The following BICC1 variants were observed in gnomAD, a reference collection of about 807,000 sequenced individuals.
BICC1 encodes protein bicaudal C homolog 1.
In BICC1, 43 loss-of-function variants were observed where a neutral mutation model predicts 111.0. The observed-to-expected ratio is 0.39, with a 90% confidence interval of 0.30 to 0.50. The LOEUF (loss-of-function observed/expected upper bound fraction) is 0.50, where lower values mean the gene tolerates loss of function less well. Among genes scored for constraint, BICC1 ranks in the 20% least tolerant of loss-of-function variants. The pLI, the probability that BICC1 is intolerant of heterozygous loss-of-function variation, is 0.88. For synonymous variants in BICC1, 467 were observed against 434.4 expected (o/e 1.07, Z -0.93); for missense variants, 1,091 against 1,203.2 (o/e 0.91, Z 1.38).
intron 1 of BICC1, among the ~76,000 whole-genome samples, chr10:58,543,201 C>G (rs149791402): frequency 6.6e-6 from 1 of 152,124 alleles, no homozygotes; most frequent in African/African-American, 2.4e-5. Flanking sequence ...AAAGGAAATC[C>G]TGTCATATGC....
At chr10:58,579,274 T>C (rs1844198405) in intron 1 of BICC1, among the ~76,000 whole-genome samples, 1 of 152,184 alleles carries the variant, frequency 6.6e-6, no homozygotes, top group Non-Finnish European at 1.5e-5. Flanking sequence ...AGGGCAATAG[T>C]CCGCTCCTTG....
intron 1 of BICC1, among the ~76,000 whole-genome samples, chr10:58,612,373 T>C (rs1349635423): frequency 3.3e-5 from 5 of 152,226 alleles, no homozygotes; most frequent in Non-Finnish European, 1.5e-5. Flanking sequence ...GGCTGGGTTG[T>C]CAGGGAAACA....
At chr10:58,554,191 G>T (rs547907910) in intron 1 of BICC1, among the ~76,000 whole-genome samples, 14 of 152,188 alleles carry the variant, frequency 9.2e-5, no homozygotes, top group African/African-American at 2.9e-4. Flanking sequence ...AATTCTTAAG[G>T]AGTTAGGAAG....
intron 3 of BICC1, among the ~76,000 whole-genome samples, chr10:58,736,109 C>T (rs571160720): frequency 1.3e-5 from 2 of 152,266 alleles, no homozygotes; most frequent in South Asian, 2.1e-4. Flanking sequence ...AGACCTGACA[C>T]CTGTGGAAGG....
chr10:58,686,298 T>C (rs984849602), intron 2 of BICC1, among the ~76,000 whole-genome samples: 6 of 152,186 alleles, frequency 3.9e-5, no homozygotes, highest in Non-Finnish European at 2.9e-5. Context: ...GCCCTTAACA[T>C]TTTTTCCTTC....
chr10:58,609,482 A>G (rs1845343140), intron 1 of BICC1, among the ~76,000 whole-genome samples: 2 of 152,236 alleles, frequency 1.3e-5, no homozygotes, highest in Non-Finnish European at 2.9e-5. Flanking sequence ...TGTGAACCAC[A>G]AATGTAATTT....
chr10:58,790,278 GCA>G (rs1843136753), intron 8 of BICC1, among the ~76,000 whole-genome samples: 1 of 117,586 alleles, frequency 8.5e-6, no homozygotes, highest in Admixed American at 9.7e-5. Flanking sequence ...TTTGTATTTG[GCA>G]AAAAAAAAAA....
chr10:58,771,889 A>G (rs1284857786), intron 3 of BICC1, among the ~76,000 whole-genome samples: 1 of 152,198 alleles, frequency 6.6e-6, no homozygotes, highest in Non-Finnish European at 1.5e-5. Context: ...ATTTTTTAAC[A>G]GCTCACCTTT....
intron 3 of BICC1, among the ~76,000 whole-genome samples, chr10:58,775,825 T>C (rs550912008): frequency 6.6e-6 from 1 of 152,324 alleles, no homozygotes; most frequent in Admixed American, 6.5e-5. Flanking sequence ...AAGGACCACT[T>C]ACCTAATATT....
chr10:58,762,116 C>T (rs568717517), intron 3 of BICC1, among the ~76,000 whole-genome samples: 1 of 152,188 alleles, frequency 6.6e-6, no homozygotes, highest in South Asian at 2.1e-4. Flanking sequence ...AGAGAGTCTG[C>T]ACAAACTCCC....
chr10:58,783,396 G>T (rs530160836), intron 3 of BICC1, among the ~76,000 whole-genome samples: 1 of 151,666 alleles, frequency 6.6e-6, no homozygotes, highest in Non-Finnish European at 1.5e-5. Flanking sequence ...CTCTTTTTTG[G>T]TGAGGGGAGT....
chr10:58,609,353 CTT>C (rs1845337663), intron 1 of BICC1, among the ~76,000 whole-genome samples: 1 of 152,158 alleles, frequency 6.6e-6, no homozygotes. Context: ...TGGAAATACT[CTT>C]TGTTTTCAGT....
At chr10:58,697,188 C>T (rs575573316) in intron 2 of BICC1, among the ~76,000 whole-genome samples, 1 of 152,266 alleles carries the variant, frequency 6.6e-6, no homozygotes, top group Admixed American at 6.5e-5. Flanking sequence ...TTTTGGACAA[C>T]ATATTGACTC....
rs77119553 is a variant in BICC1, at chr10:58,802,309, A to G, written c.2016-768A>G. ...ATTGTCCCTCTTTTTGTATTCCCCA[A>G]GTACTTTTCTAAATTCCTCTAAATT... On this transcript the variant is annotated intron_variant, in intron 14 of 20. Transcript: ENST00000373886. Among the ~76,000 whole-genome samples, 481 of 152,274 alleles carry G rather than the reference A, an allele frequency of 3.2e-3. 14 individuals are homozygous for G. In the East Asian group the frequency reaches 0.066, roughly 21 times the overall value.
chr10:58,693,826 A>G (rs992898754), intron 2 of BICC1, among the ~76,000 whole-genome samples: 6 of 152,038 alleles, frequency 3.9e-5, no homozygotes, highest in Non-Finnish European at 5.9e-5. Context: ...GTTCACTCTG[A>G]TGGTAGTTTC....
chr10:58,631,437 G>T (rs1309049631), intron 2 of BICC1, among the ~76,000 whole-genome samples: 1 of 151,674 alleles, frequency 6.6e-6, no homozygotes, highest in African/African-American at 2.4e-5. Context: ...TTCCTAAAAG[G>T]AGTTGTCTTT....
intron 2 of BICC1, among the ~76,000 whole-genome samples, chr10:58,622,500 G>A (rs546938696): frequency 4.7e-4 from 72 of 152,318 alleles, no homozygotes; most frequent in African/African-American, 1.6e-3. Flanking sequence ...ACATGTGTGC[G>A]TCCCACAGAC....
In BICC1 at chr10:58,732,433, A is replaced by G. The variant is rs1220160980; in HGVS notation, c.307+30290A>G. ...TATATATATATATATATATATATATATATATATACTGGTCAGTGGAGCAAT... is the reference window on the plus strand; with the variant it reads ...TATATATATATATATATATATATATGTATATATACTGGTCAGTGGAGCAAT... On this transcript the variant is annotated intron_variant, in intron 3 of 20. Transcript: ENST00000373886. Among the ~76,000 whole-genome samples the G allele has an allele frequency of 7.3e-5, 5 of 68,914 alleles. 2 individuals carry two copies. Among genetic ancestry groups the G allele is most frequent in the Non-Finnish European group, 1.4e-4 (5 of 36,850 alleles). The allele number at this position is 68,914 out of a possible 152,430, so 45.2% of individuals were successfully genotyped here.
chr10:58,519,874 T>C (rs1649033), intron 1 of BICC1, among the ~76,000 whole-genome samples: 82,021 of 151,942 alleles, frequency 0.54, 23,202 homozygotes, highest in African/African-American at 0.71. Flanking sequence ...AATTACATGG[T>C]ACAATAAAAA....
Sources: gnomAD v4.1 joint callset for allele counts (sites outside exome capture counted in the v4.1 genomes callset) on GRCh38, gnomAD v4.1.1 for gene constraint, MANE v1.5 for transcripts, NCBI Gene and HGNC (gene_info 2026-07-23, HGNC 2026-07-21) for gene names.